Variants in DMKN observed in about 807,000 individuals in gnomAD.
DMKN encodes dermokine.
In DMKN, 58 loss-of-function variants were observed where a neutral mutation model predicts 67.6. The observed-to-expected ratio is 0.86, with a 90% CI of 0.69 to 1.07. The LOEUF (loss-of-function observed/expected upper bound fraction) is 1.07. DMKN is among the 50% of genes least tolerant of loss of function. DMKN has a pLI of 0.00. For missense variants in DMKN, 596 were observed against 601.5 expected (o/e 0.99, Z 0.10); for synonymous variants, 240 against 232.3 (o/e 1.03, Z -0.30).
chr19:35,507,762 A>T (rs1005597239), intron 7 of DMKN: 3 of 507,192 alleles, frequency 5.9e-6, no homozygotes, highest in Non-Finnish European at 1.1e-5. Context: ...TAACATCGCC[A>T]TCTCTGTTTA....
chr19:35,506,207 CGA>C, intron 7 of DMKN: 1 of 1,490,932 alleles, frequency 6.7e-7, no homozygotes, highest in Non-Finnish European at 8.9e-7. Context: ...AAAGGGGGAC[CGA>C]TGTCCAAGGC....
intron 7 of DMKN, chr19:35,506,282 G>T (rs2146053929): frequency 1.6e-6 from 2 of 1,267,928 alleles, no homozygotes; most frequent in Non-Finnish European, 2.1e-6. Context: ...CCCCACCTCG[G>T]TCCAGGCTTC....
At chr19:35,510,647 G>T (rs536766987) in intron 5 of DMKN, 6 of 1,247,162 alleles carry the variant, frequency 4.8e-6, no homozygotes, top group Non-Finnish European at 6.4e-6. Flanking sequence ...TGCCCTAGAT[G>T]GGGGAGAGGA....
chr19:35,511,499 C>A lies in DMKN; in HGVS notation c.830G>T (p.Ser277Ile). The A allele has an allele frequency of 6.5e-6, 7 of 1,079,934 alleles. No homozygotes were observed. The highest frequency in any genetic ancestry group is 7.2e-6 in the Non-Finnish European group (6 of 832,088). The allele number at this position is 1,079,934 out of a possible 1,614,324, so 66.9% of individuals were successfully genotyped here. Reference protein sequence around the residue: ...SSSGGSSSGSSSGGSSGGSSG... With the variant: ...SSSGGSSSGSISGGSSGGSSG... Reference sequence around the variant, plus strand: ...GCTGCCGCCACTGCTGCCGCCACTGCTGCTGCCACTGCTGCTGCCACCACT... The same window carrying A: ...GCTGCCGCCACTGCTGCCGCCACTGATGCTGCCACTGCTGCTGCCACCACT... Residue 277 changes from serine to isoleucine, a missense_variant, in exon 5 of 16, where the codon AGC becomes ATC. Ser to Ile is a moderately radical substitution (Grantham distance 142). Transcript: ENST00000339686.
intron 15 of DMKN, chr19:35,498,503 C>A: frequency 1.5e-6 from 1 of 655,740 alleles, no homozygotes; most frequent in Middle Eastern, 4.2e-4. Context: ...GCCACTGCAC[C>A]CAGCCCTAGA....
At chr19:35,511,384 A>G in intron 5 of DMKN, 27 bp downstream of exon 5, 1 of 1,606,292 alleles carries the variant, frequency 6.2e-7, no homozygotes, top group Non-Finnish European at 8.5e-7. Flanking sequence ...ACCCCATCTC[A>G]GCCTTCCACA....
In DMKN at chr19:35,513,300, G is replaced by T; in HGVS notation, c.176C>A (p.Ala59Asp). The T allele has an allele frequency of 6.2e-7, 1 of 1,613,900 alleles. No homozygotes were observed. The highest frequency in any genetic ancestry group is 8.5e-7 in the Non-Finnish European group (1 of 1,179,876). Residue 59 changes from alanine (A) to aspartate (D), a missense_variant, in exon 1 of 16, where the codon GCC becomes GAC. By Grantham distance (126) the Ala-to-Asp change is moderately radical. Coordinates refer to ENST00000339686, the MANE Select transcript of DMKN (RefSeq NM_033317.5). Reference protein sequence around the residue: ...EGVGKAIGKEAGGAAGSKVSE... With the variant: ...EGVGKAIGKEDGGAAGSKVSE... Reference sequence around the variant, plus strand: ...GACTTTAGAGCCAGCTGCCCCTCCGGCCTCTTTGCCAATGGCCTTTCCCAC... The same window carrying T: ...GACTTTAGAGCCAGCTGCCCCTCCGTCCTCTTTGCCAATGGCCTTTCCCAC...
Position 35,513,523 on chromosome 19 carries a change from TCTC to T in DMKN, c.-51_-49del, listed in dbSNP as rs1353304553. On this transcript the variant is annotated 5_prime_UTR_variant, in exon 1 of 16. Transcript: ENST00000339686. ...CCAGAGTGTCTTCCTCCCACCAGGG[TCTC>T]CTCCTTGCCGCCCTTGCTCTGCGTC... The T allele has an allele frequency of 3.9e-6, 6 of 1,553,714 alleles. No homozygotes were observed. In the African/African-American group the frequency reaches 4.1e-5, roughly 11 times the overall value.
intron 5 of DMKN, among the ~76,000 whole-genome samples, chr19:35,510,860 G>GC (rs1205435840): frequency 6.6e-6 from 1 of 152,208 alleles, no homozygotes; most frequent in East Asian, 1.9e-4. Flanking sequence ...TGGAGAGACT[G>GC]CCGGCTCTGG....
intron 9 of DMKN, among the ~76,000 whole-genome samples, chr19:35,505,076 C>T (rs1289415005): frequency 2.0e-5 from 3 of 151,774 alleles, no homozygotes; most frequent in East Asian, 1.9e-4. Flanking sequence ...AATCACGAAT[C>T]GCAGCTTCTG....
In DMKN at chr19:35,501,785, T is replaced by C. The variant is rs369799539; in HGVS notation, c.1239+351A>G. ...AGCCTAGGCCCCTTCTTCCCCTCAA[T>C]ACGATCTCCCCGCACCTGTGCACCC... On this transcript the variant is annotated intron_variant, in intron 11 of 15. Transcript: ENST00000339686. 7.9e-6 allele frequency: 12 copies of C among 1,523,800 alleles called. No homozygotes were observed. The African/African-American group carries it at 1.1e-4, about 14-fold the overall frequency. The allele number at this position is 1,523,800 out of a possible 1,614,324, so 94.4% of individuals were successfully genotyped here.
At chr19:35,511,876 T>G in intron 3 of DMKN, 63 bp from the exon 4 acceptor site, 1 of 1,539,928 alleles carries the variant, frequency 6.5e-7, no homozygotes, top group Admixed American at 1.9e-5. Context: ...GCCTCGGCCA[T>G]GGACACAGGC....
chr19:35,503,247 C>A, intron 9 of DMKN: 1 of 1,457,046 alleles, frequency 6.9e-7, no homozygotes, highest in Non-Finnish European at 9.0e-7. Flanking sequence ...TGCAGCCACC[C>A]CTTCCACACC....
intron 10 of DMKN, among the ~76,000 whole-genome samples, chr19:35,502,544 C>T (rs531682537): frequency 2.0e-5 from 3 of 146,834 alleles, no homozygotes; most frequent in South Asian, 2.1e-4. Context: ...ACTAAAAATA[C>T]AAAAAAAAAA....
chr19:35,503,620 C>T (rs887122767), intron 9 of DMKN, among the ~76,000 whole-genome samples: 3 of 152,154 alleles, frequency 2.0e-5, no homozygotes, highest in Non-Finnish European at 2.9e-5. Context: ...GGACTACAGG[C>T]GCACACCACC....
At chr19:35,503,376 G>A (rs1401714081) in intron 9 of DMKN, 1 of 1,550,654 alleles carries the variant, frequency 6.4e-7, no homozygotes. Flanking sequence ...TTTAAGGAGG[G>A]AGTGTGGGGG....
chr19:35,500,374 T>G (rs1356778300), intron 12 of DMKN, 159 bp downstream of exon 12: 1 of 1,551,582 alleles, frequency 6.4e-7, no homozygotes, highest in Non-Finnish European at 8.7e-7. Flanking sequence ...GGTAGATGTC[T>G]CACCTTGGAA....
rs1599994769 is a variant in DMKN at position 35,508,351 on chromosome 19, C to T, written c.1038+1560G>A. On this transcript the variant is annotated intron_variant, in intron 7 of 15. Coordinates refer to ENST00000339686, the MANE Select transcript of DMKN (RefSeq NM_033317.5). ...CCTCTAAGAATCCTAATGGCACTCT[C>T]TTTTGGAACTGGTCCAAACACTGAC... 2 of 1,300,108 alleles carry T rather than the reference C, an allele frequency of 1.5e-6. 1 individual carries two copies. The highest frequency in any genetic ancestry group is 2.1e-6 in the Non-Finnish European group (2 of 941,498). 80.5% of individuals were successfully genotyped at this position (1,300,108 alleles called of 1,614,324 possible).
At chr19:35,503,579 G>A (rs1237912759) in intron 9 of DMKN, 18 of 1,265,448 alleles carry the variant, frequency 1.4e-5, no homozygotes, top group East Asian at 1.0e-4. Context: ...AGGTTCAAGC[G>A]ATTCTCCTGC....
Sources: allele counts gnomAD v4.1 joint callset (sites outside exome capture counted in the v4.1 genomes callset), GRCh38; gene constraint gnomAD v4.1.1; transcripts MANE v1.5; gene names NCBI Gene and HGNC (gene_info 2026-07-23, HGNC 2026-07-21).